The following INPP4A variants were observed in gnomAD, a reference collection of about 807,000 sequenced individuals.
INPP4A encodes the protein inositol polyphosphate-4-phosphatase type I A, also known as inositol polyphosphate-4-phosphatase, type I, 107kD.
A neutral mutation model predicts 119.8 loss-of-function variants in INPP4A; 33 were observed. The observed-to-expected ratio is 0.28, with a 90% CI of 0.21 to 0.37. INPP4A has a LOEUF of 0.37. Ranked by LOEUF, INPP4A falls within the 10% of genes least tolerant of loss-of-function variation. INPP4A has a pLI of 1.00. For missense variants in INPP4A, 956 were observed against 1,289.9 expected (o/e 0.74, Z 3.97); for synonymous variants, 496 against 500.7 (o/e 0.99, Z 0.12).
intron 1 of INPP4A, among the ~76,000 whole-genome samples, chr2:98,451,554 C>T (rs1189338898): frequency 6.6e-6 from 1 of 152,100 alleles, no homozygotes; most frequent in Admixed American, 6.5e-5. Flanking sequence ...TGCTGCAGCG[C>T]CCCTCTTTTT....
chr2:98,488,826 T>G (rs1443047370), intron 1 of INPP4A, among the ~76,000 whole-genome samples: 1 of 151,976 alleles, frequency 6.6e-6, no homozygotes, highest in Admixed American at 6.6e-5. Flanking sequence ...TCCTGCGGGC[T>G]GGAGGGGGTG....
Position 98,555,456 on chromosome 2 carries a change from C to T in INPP4A, c.1567-97C>T, listed in dbSNP as rs1575065185. On this transcript the variant is annotated intron_variant, in intron 15 of 24. Coordinates refer to ENST00000409851, the MANE Select transcript of INPP4A (RefSeq NM_001134225.2). ...TGAGGTATTTTAACAAGTGTGGAAG[C>T]CTAGGGCAGGGGATCAGTGGAGGGC... 2.3e-6 allele frequency: 3 copies of T among 1,310,948 alleles called. No homozygotes were observed. In the East Asian group the frequency reaches 7.1e-5, roughly 31 times the overall value. 81.2% of individuals were successfully genotyped at this position (1,310,948 alleles called of 1,614,324 possible).
chr2:98,467,204 G>T (rs550527628), intron 1 of INPP4A, among the ~76,000 whole-genome samples: 1 of 152,110 alleles, frequency 6.6e-6, no homozygotes, highest in South Asian at 2.1e-4. Context: ...GAGAACTCAC[G>T]CACCCTCAAA....
chr2:98,554,494 G>A lies in INPP4A; in HGVS notation c.1566+5G>A. ...GACTGGCACGAGGAGGAGTGGGTGA[G>A]TCTGCTGCTGTGGCTGTCATCCCAC... On this transcript the variant is annotated splice_donor_5th_base_variant and intron_variant, in intron 15 of 24. Transcript: ENST00000409851. This position sits in a 1 kb window ranked among gnomAD's most constrained non-coding sequence, Gnocchi z 4.7. 1 of 1,610,860 alleles carries A rather than the reference G, an allele frequency of 6.2e-7. No individual in the cohort carries two copies. Among genetic ancestry groups the A allele is most frequent in the Non-Finnish European group, 8.5e-7 (1 of 1,178,214 alleles).
At chr2:98,453,752 A>G (rs749275755) in intron 1 of INPP4A, among the ~76,000 whole-genome samples, 1 of 152,300 alleles carries the variant, frequency 6.6e-6, no homozygotes, top group Non-Finnish European at 1.5e-5. Flanking sequence ...GAGCAGGCAC[A>G]AAGTCCTGAG....
At chr2:98,585,571 C>T (rs1393182551) in intron 24 of INPP4A, among the ~76,000 whole-genome samples, 6 of 152,196 alleles carry the variant, frequency 3.9e-5, no homozygotes, top group Non-Finnish European at 8.8e-5. Context: ...CCAGTTAGCA[C>T]AGGCTGTCCT....
intron 1 of INPP4A, among the ~76,000 whole-genome samples, chr2:98,471,006 T>G (rs1166008616): frequency 6.6e-6 from 1 of 152,224 alleles, no homozygotes. Flanking sequence ...CATCCTTCTC[T>G]GAATAGGTTT....
At chr2:98,536,556 A>G (rs982073668) in intron 7 of INPP4A, among the ~76,000 whole-genome samples, 2 of 152,146 alleles carry the variant, frequency 1.3e-5, no homozygotes, top group African/African-American at 4.8e-5. Flanking sequence ...CTTCACTGCT[A>G]TTTCCCAGAC....
chr2:98,543,523 T>A (rs899836145), intron 10 of INPP4A, among the ~76,000 whole-genome samples: 6 of 152,182 alleles, frequency 3.9e-5, no homozygotes, highest in Non-Finnish European at 1.5e-5. Flanking sequence ...AGGTGGGCTG[T>A]GGTTTGAGCC....
intron 1 of INPP4A, among the ~76,000 whole-genome samples, chr2:98,481,405 G>T (rs1678432149): frequency 6.6e-6 from 1 of 152,266 alleles, no homozygotes; most frequent in Admixed American, 6.5e-5. Flanking sequence ...GACCACTCTT[G>T]GCAGCCAGAA....
intron 8 of INPP4A, among the ~76,000 whole-genome samples, chr2:98,538,207 T>G (rs1690698469): frequency 6.6e-6 from 1 of 152,182 alleles, no homozygotes; most frequent in Non-Finnish European, 1.5e-5. Context: ...GGTGCCACAC[T>G]GGCCAATTCT....
rs984538193 is a variant in INPP4A, at chr2:98,565,750, G to A, written c.2263G>A (p.Val755Ile). ...CAGCGCCTCCGCAGACATGCTGCCC[G>A]TCATCACAGGAAATCGGTAGAGTGT... ...TSSASADMLP[V>I]ITGNRDGFNV... The change falls in exon 20 of 25, where the codon GTC becomes ATC. Residue 755 changes from valine to isoleucine, a missense_variant. By Grantham distance (29) the Val-to-Ile change is conservative (BLOSUM62 3). Around this residue, in one of 2 missense-constraint regions of INPP4A, gnomAD observed 304 missense variants for 492.1 expected, o/e 0.62. Transcript: ENST00000409851. The A allele has an allele frequency of 1.7e-5, 27 of 1,611,608 alleles. 1 individual carries two copies. In the Middle Eastern group the frequency reaches 8.2e-4, roughly 49 times the overall value.
Position 98,535,829 on chromosome 2 carries a change from A to G in INPP4A, c.371A>G (p.Asp124Gly). ...AAACTCTCCGTGTATGATGTCAAAG[A>G]TAGATCTCAGGGAACAGTTAAGTAA... ...QVKLSVYDVKDRSQGTMYLLG... is the reference protein window; with the variant it reads ...QVKLSVYDVKGRSQGTMYLLG... The change falls in exon 6 of 25, where the codon GAT (aspartate) becomes GGT (glycine). Residue 124 changes from aspartate (D) to glycine (G), a missense_variant. Around this residue, in one of 2 missense-constraint regions of INPP4A, gnomAD observed 652 missense variants for 797.9 expected, o/e 0.82. Coordinates refer to ENST00000409851, the MANE Select transcript of INPP4A (RefSeq NM_001134225.2). The G allele has an allele frequency of 6.5e-7, 1 of 1,533,206 alleles. No homozygotes were observed. Among genetic ancestry groups the G allele is most frequent in the Non-Finnish European group, 9.0e-7 (1 of 1,113,240 alleles). 95.0% of individuals were successfully genotyped at this position (1,533,206 alleles called of 1,614,324 possible).
At chr2:98,464,469 A>C (rs1408981322) in intron 1 of INPP4A, among the ~76,000 whole-genome samples, 1 of 152,172 alleles carries the variant, frequency 6.6e-6, no homozygotes, top group Non-Finnish European at 1.5e-5. Context: ...GGGAGAGATA[A>C]ACCTCTTTGC....
At chr2:98,535,910 A>G in intron 6 of INPP4A, 65 bp downstream of exon 6, 1 of 833,350 alleles carries the variant, frequency 1.2e-6, no homozygotes, top group South Asian at 1.5e-5. Flanking sequence ...AATCGTTTGA[A>G]TGAGAGATGA....
intron 4 of INPP4A, among the ~76,000 whole-genome samples, chr2:98,527,364 GT>G (rs1199694003): frequency 2.6e-5 from 4 of 152,204 alleles, no homozygotes; most frequent in African/African-American, 9.7e-5. Flanking sequence ...CCCTGAGAAT[GT>G]TTGTCAAAAA....
chr2:98,576,449 CAAA>C (rs1411284495), intron 23 of INPP4A, among the ~76,000 whole-genome samples: 1 of 152,088 alleles, frequency 6.6e-6, no homozygotes, highest in Non-Finnish European at 1.5e-5. Flanking sequence ...AGGAGGTGGC[CAAA>C]GGGCAGTGCA....
intron 1 of INPP4A, among the ~76,000 whole-genome samples, chr2:98,510,595 T>TA (rs1684933773): frequency 6.6e-6 from 1 of 152,200 alleles, no homozygotes; most frequent in African/African-American, 2.4e-5. Flanking sequence ...AGGGCCTACC[T>TA]AGTTCCCTCC....
intron 1 of INPP4A, among the ~76,000 whole-genome samples, chr2:98,484,923 A>G (rs866955372): frequency 6.6e-5 from 10 of 152,078 alleles, no homozygotes; most frequent in Non-Finnish European, 1.2e-4. Flanking sequence ...TATGGTATAA[A>G]ATCCTTTATA....
Sources: allele counts gnomAD v4.1 joint callset (sites outside exome capture counted in the v4.1 genomes callset), GRCh38; gene constraint gnomAD v4.1.1; regional missense constraint gnomAD v4.1.1; non-coding constraint Gnocchi (gnomAD v3.1); transcripts MANE v1.5; gene names NCBI Gene and HGNC (gene_info 2026-07-23, HGNC 2026-07-21).